The following CASK variants were observed in gnomAD, a reference collection of about 807,000 sequenced individuals.
The protein encoded by CASK is peripheral plasma membrane protein CASK.
A neutral mutation model predicts 82.9 loss-of-function variants in CASK; 4 were observed. The observed-to-expected ratio is 0.05, with a 90% CI of 0.02 to 0.11. CASK has a LOEUF of 0.11. Ranked by LOEUF, CASK falls within the 10% of genes least tolerant of loss-of-function variation. The pLI, the probability that CASK is intolerant of heterozygous loss-of-function variation, is 1.00. For missense variants in CASK, 358 were observed against 720.9 expected (o/e 0.50, Z 5.76); for synonymous variants, 259 against 253.5 (o/e 1.02, Z -0.20).
intron 5 of CASK, among the ~76,000 whole-genome samples, chrX:41,674,676 T>G (rs1466440932): frequency 9.0e-6 from 1 of 111,441 alleles, no homozygotes; most frequent in Non-Finnish European, 1.9e-5. Context: ...TTTGTTGTTA[T>G]GATAAATTTT....
chrX:41,895,264 CGAG>C (rs1379107537), intron 1 of CASK, among the ~76,000 whole-genome samples: 2 of 111,659 alleles, frequency 1.8e-5, no homozygotes, highest in African/African-American at 6.5e-5. Context: ...AAGCAAGAAT[CGAG>C]GAAAGAGGAG....
chrX:41,520,469 T>C lies in CASK; in HGVS notation c.2732A>G (p.Glu911Gly). The part of the protein sequence containing the change: ...ETIRHLEEAV[E>G]LVCTAPQWVP... ...CCACTGTGGGGCTGTGCACACGAGCTCAACAGCTTCCTCCAGATGTCTGAT... is the reference window on the plus strand; with the variant it reads ...CCACTGTGGGGCTGTGCACACGAGCCCAACAGCTTCCTCCAGATGTCTGAT... The change falls in exon 27 of 27, where the codon GAG becomes GGG. Residue 911 changes from glutamate to glycine, a missense_variant. By Grantham distance (98) the Glu-to-Gly change is moderately conservative. Transcript: ENST00000378163. 1 of 1,210,212 alleles carries C rather than the reference T, an allele frequency of 8.3e-7. No individual in the cohort carries two copies. Among genetic ancestry groups the C allele is most frequent in the Non-Finnish European group, 1.1e-6 (1 of 894,383 alleles).
At chrX:41,892,945 A>G (rs988485430) in intron 1 of CASK, among the ~76,000 whole-genome samples, 2 of 112,161 alleles carry the variant, frequency 1.8e-5, no homozygotes, top group Non-Finnish European at 3.8e-5. Flanking sequence ...AAATTACACC[A>G]GTGATTATCT....
intron 5 of CASK, among the ~76,000 whole-genome samples, chrX:41,711,027 T>G (rs1483590393): frequency 1.8e-5 from 2 of 111,751 alleles, no homozygotes; most frequent in Non-Finnish European, 3.8e-5. Flanking sequence ...ACTGGTTCCC[T>G]GAGTTCTGTG....
chrX:41,850,795 A>C, intron 2 of CASK, among the ~76,000 whole-genome samples: 1 of 111,483 alleles, frequency 9.0e-6, no homozygotes, highest in Non-Finnish European at 1.9e-5. Context: ...GGGTTGAAAG[A>C]AGTTGAGGGA....
At chrX:41,807,831 C>T (rs2147873741) in intron 2 of CASK, among the ~76,000 whole-genome samples, 1 of 111,509 alleles carries the variant, frequency 9.0e-6, no homozygotes, top group African/African-American at 3.3e-5. Flanking sequence ...TCCTCATGAC[C>T]TAATCACTTC....
At chrX:41,695,887 A>G in intron 5 of CASK, 1 of 1,209,543 alleles carries the variant, frequency 8.3e-7, no homozygotes, top group Non-Finnish European at 1.1e-6. Flanking sequence ...ATTCACCGTA[A>G]AAGAAATTCC....
chrX:41,775,123 G>A (rs1390061647), intron 3 of CASK, among the ~76,000 whole-genome samples: 61 of 106,361 alleles, frequency 5.7e-4, no homozygotes, highest in African/African-American at 1.1e-3. Context: ...GAAAATTTTC[G>A]CAACCTACTC....
chrX:41,590,682 C>T lies in CASK; in HGVS notation c.1156-1090G>A, dbSNP rs778482158. Among the ~76,000 whole-genome samples the T allele has an allele frequency of 2.5e-4, 28 of 110,774 alleles. No individual in the cohort carries two copies. The South Asian group carries it at 9.0e-3, about 36-fold the overall frequency. ...AAAGTGTTTCATAGTCAACAGTCTG[C>T]TTTGAAAAGTGAAAAGTTAAAGATG... On this transcript the variant is annotated intron_variant, in intron 12 of 26. Transcript: ENST00000378163.
intron 2 of CASK, among the ~76,000 whole-genome samples, chrX:41,843,301 T>C (rs1162573975): frequency 8.9e-6 from 1 of 111,914 alleles, no homozygotes; most frequent in Non-Finnish European, 1.9e-5. Flanking sequence ...CTTTGGTTTT[T>C]CCTAGATGTC....
At chrX:41,907,909 C>T (rs1446314789) in intron 1 of CASK, among the ~76,000 whole-genome samples, 1 of 111,623 alleles carries the variant, frequency 9.0e-6, no homozygotes, top group East Asian at 2.8e-4. Context: ...CAACCTAGTT[C>T]CCGCGCATGT....
chrX:41,646,014 T>G (rs1372789520), intron 8 of CASK, among the ~76,000 whole-genome samples: 1 of 111,532 alleles, frequency 9.0e-6, no homozygotes, highest in African/African-American at 3.3e-5. Context: ...AGGCACTGCA[T>G]TTAATGTTAC....
intron 5 of CASK, among the ~76,000 whole-genome samples, chrX:41,690,953 A>G (rs745964764): frequency 9.0e-6 from 1 of 111,674 alleles, no homozygotes; most frequent in South Asian, 3.8e-4. Flanking sequence ...GATCACAGGC[A>G]TGAACCATGG....
chrX:41,840,825 T>C (rs1053902039), intron 2 of CASK, among the ~76,000 whole-genome samples: 8 of 112,295 alleles, frequency 7.1e-5, no homozygotes, highest in African/African-American at 2.6e-4. Flanking sequence ...GTTGACGTGA[T>C]GGATTACATT....
At chrX:41,622,540 A>G in intron 11 of CASK, 77 bp downstream of exon 11, 1 of 836,341 alleles carries the variant, frequency 1.2e-6, no homozygotes, top group Non-Finnish European at 1.7e-6. Context: ...GAAAAAGTCA[A>G]GCTGATTACG....
In CASK at chrX:41,714,559, A is replaced by G. The variant is rs763225557; in HGVS notation, c.429+24825T>C. The stretch of plus-strand genomic sequence containing the variant: ...GATTACCCAAGCCCACAATCTGTAG[A>G]ATAGAAGCTGGAATATCATAGGGAC... On this transcript the variant is annotated intron_variant, in intron 5 of 26. Transcript: ENST00000378163. Among the ~76,000 whole-genome samples, 5 of 111,861 alleles carry G rather than the reference A, an allele frequency of 4.5e-5. No homozygotes were observed. The South Asian group carries it at 1.9e-3, about 42-fold the overall frequency.
At chrX:41,640,220 T>C (rs1461520459) in intron 8 of CASK, among the ~76,000 whole-genome samples, 1 of 110,811 alleles carries the variant, frequency 9.0e-6, no homozygotes, top group African/African-American at 3.3e-5. Context: ...CTTTTTTTTT[T>C]TGAAATGGAG....
chrX:41,525,929 G>A (rs1448055410), intron 25 of CASK, among the ~76,000 whole-genome samples: 1 of 112,047 alleles, frequency 8.9e-6, no homozygotes, highest in Non-Finnish European at 1.9e-5. Flanking sequence ...ATCCATCAAA[G>A]TTTTTTAACT....
intron 16 of CASK, among the ~76,000 whole-genome samples, chrX:41,564,701 C>T (rs1353974361): frequency 1.8e-5 from 2 of 111,864 alleles, no homozygotes; most frequent in African/African-American, 3.2e-5. Context: ...CAAGGACATC[C>T]AGGACCTGAA....
Sources: allele counts gnomAD v4.1 joint callset (sites outside exome capture counted in the v4.1 genomes callset), GRCh38; gene constraint gnomAD v4.1.1; transcripts MANE v1.5; gene names NCBI Gene and HGNC (gene_info 2026-07-23, HGNC 2026-07-21).